Variants in SURF6 observed in about 807,000 individuals in gnomAD.
The protein encoded by SURF6 is surfeit locus protein 6.
SURF6 carries 28 observed loss-of-function variants against 37.5 expected under a neutral mutation model. The ratio of observed to expected loss-of-function variants is 0.75; its 90% CI spans 0.55 to 1.02. SURF6 has a LOEUF of 1.02. Among genes scored for constraint, SURF6 ranks in the 50% least tolerant of loss-of-function variants. SURF6 has a pLI of 0.00. For synonymous variants in SURF6, 248 were observed against 210.9 expected, an observed-to-expected ratio of 1.18 and a Z score of -1.52; for missense variants, 560 against 490.5, an observed-to-expected ratio of 1.14 and a Z score of -1.34.
rs2129925429 is a variant in SURF6 at position 133,333,912 on chromosome 9, G to A, written c.305-106C>T. On this transcript the variant is annotated intron_variant, in intron 2 of 4. Transcript: ENST00000372022. ...CTGTGGCCACTCATGGATCTGCAGGGCAATTCCAGTAAATTCCACTCCACC... is the reference window on the plus strand; with the variant it reads ...CTGTGGCCACTCATGGATCTGCAGGACAATTCCAGTAAATTCCACTCCACC... The A allele has an allele frequency of 1.9e-5, 17 of 902,104 alleles. No individual in the cohort carries two copies. The Admixed American group carries it at 3.4e-4, about 18-fold the overall frequency. 55.9% of individuals were successfully genotyped at this position (902,104 alleles called of 1,614,324 possible).
rs1835847703 is a variant in SURF6, at chr9:133,335,347, T to C, written c.94+692A>G. Reference sequence around the variant, plus strand: ...AAAAAAAAAAAAATTTCAAAAAGGATGAGAAAGACAGACGGAAGACATACT... The same window carrying C: ...AAAAAAAAAAAAATTTCAAAAAGGACGAGAAAGACAGACGGAAGACATACT... On this transcript the variant is annotated intron_variant, in intron 1 of 4. Transcript: ENST00000372022. 5.3e-5 allele frequency among the ~76,000 whole-genome samples: 8 copies of C among 151,080 alleles called. No homozygotes were observed. The South Asian group carries it at 1.7e-3, about 32-fold the overall frequency.
intron 2 of SURF6, 44 bp from the exon 3 acceptor site, chr9:133,333,850 T>C (rs2129925227): frequency 4.7e-6 from 7 of 1,490,974 alleles, no homozygotes; most frequent in Non-Finnish European, 5.5e-6. Context: ...TCTCTTCCCC[T>C]CCCCCTCCCT....
Position 133,331,473 on chromosome 9 carries a change from G to A in SURF6, c.*396C>T. ...GTGAGCTGCGGACTAACGTGGCCCG[G>A]CAGCAGAGGCCACCGTCTTCTGTCC... On this transcript the variant is annotated 3_prime_UTR_variant, in exon 5 of 5. Transcript: ENST00000372022. The A allele has an allele frequency of 5.2e-6, 1 of 191,616 alleles. No individual in the cohort carries two copies. Among genetic ancestry groups the A allele is most frequent in the Non-Finnish European group, 1.1e-5 (1 of 94,850 alleles). The allele number at this position is 191,616 out of a possible 1,614,324, so 11.9% of individuals were successfully genotyped here. A position where few individuals can be genotyped will look rare whatever the true frequency, so the allele number is the denominator to read the frequency against.
chr9:133,332,497 G>T, intron 4 of SURF6, 51 bp downstream of exon 4: 1 of 1,588,248 alleles, frequency 6.3e-7, no homozygotes. Flanking sequence ...AAGGGGCAAC[G>T]CTGAGGCCTG....
At chr9:133,335,941 G>A (rs1294193925) in intron 1 of SURF6, 98 bp downstream of exon 1, 9 of 937,774 alleles carry the variant, frequency 9.6e-6, no homozygotes, top group Non-Finnish European at 9.4e-6. Context: ...AAGTCACTTA[G>A]ATTTTTTTTC....
rs2129913615 is a variant in SURF6 at position 133,331,989 on chromosome 9, C to G, written c.966G>C (p.Gln322His). 6.3e-7 allele frequency: 1 copy of G among 1,598,530 alleles called. No individual in the cohort carries two copies. The highest frequency in any genetic ancestry group is 1.1e-5 in the South Asian group (1 of 90,856). Reference sequence around the variant, plus strand: ...TGCGCAGGTTCTGCCGCCGCCGGTCCTGGCGCTGCTGCATCTTCTCCACCA... The same window carrying G: ...TGCGCAGGTTCTGCCGCCGCCGGTCGTGGCGCTGCTGCATCTTCTCCACCA... ...AGVVEKMQQR[Q>H]DRRRQNLRRK... The change falls in exon 5 of 5, where the codon CAG (glutamine) becomes CAC (histidine). Residue 322 changes from glutamine (Q) to histidine (H), a missense_variant. By Grantham distance (24) the Gln-to-His change is conservative. Transcript: ENST00000372022.
chr9:133,335,182 T>C (rs1294725750), intron 1 of SURF6, among the ~76,000 whole-genome samples: 1 of 152,156 alleles, frequency 6.6e-6, no homozygotes, highest in Non-Finnish European at 1.5e-5. Flanking sequence ...ATGGTCTTGA[T>C]CTTCTGATCT....
chr9:133,334,676 C>CTT, intron 1 of SURF6, 75 bp from the exon 2 acceptor site: 1 of 1,541,250 alleles, frequency 6.5e-7, no homozygotes, highest in Non-Finnish European at 8.8e-7. Flanking sequence ...CTCACCAAGG[C>CTT]TTTGATCCCA....
rs1399684273 is a variant in SURF6, at chr9:133,330,090, T to C, written c.*1779A>G. 1 of 152,238 alleles carries C rather than the reference T, an allele frequency of 6.6e-6. No homozygotes were observed. Among genetic ancestry groups the C allele is most frequent in the African/African-American group, 2.4e-5 (1 of 41,464 alleles). The allele number at this position is 152,238 out of a possible 1,614,324, so 9.4% of individuals were successfully genotyped here. On this transcript the variant is annotated 3_prime_UTR_variant, in exon 5 of 5. Coordinates refer to ENST00000372022, the MANE Select transcript of SURF6 (RefSeq NM_006753.6). Reference sequence around the variant, plus strand: ...TTTTTCTTCCATTTACTTTGAGTTGTTCCAACTTAAGCTGCATGCTTATTT... The same window carrying C: ...TTTTTCTTCCATTTACTTTGAGTTGCTCCAACTTAAGCTGCATGCTTATTT...
In SURF6 at chr9:133,336,168, C is replaced by A. The variant is rs2129934889; in HGVS notation, c.-36G>T. 1.3e-6 allele frequency: 2 copies of A among 1,568,902 alleles called. No individual in the cohort carries two copies. The highest frequency in any genetic ancestry group is 1.7e-6 in the Non-Finnish European group (2 of 1,153,156). ...CGGGCCGTTCACGACTCACACCTTC[C>A]CCGCTGCGCGTGCGACTCTCACCAC... On this transcript the variant is annotated 5_prime_UTR_variant, in exon 1 of 5. Transcript: ENST00000372022.
Position 133,332,582 on chromosome 9 carries a change from T to C in SURF6, c.572A>G (p.Glu191Gly), listed in dbSNP as rs2129919596. The change falls in exon 4 of 5, where the codon GAG becomes GGG. Residue 191 changes from glutamate (E) to glycine (G), a missense_variant. By Grantham distance (98) the Glu-to-Gly change is moderately conservative (BLOSUM62 -2). Coordinates refer to ENST00000372022, the MANE Select transcript of SURF6 (RefSeq NM_006753.6). ...VEATPEGACT[E>G]PREPPGLIFN... Reference sequence around the variant, plus strand: ...GATCAGCCCGGGCGGCTCCCGCGGCTCCGTGCAGGCCCCCTCTGGGGTTGC... The same window carrying C: ...GATCAGCCCGGGCGGCTCCCGCGGCCCCGTGCAGGCCCCCTCTGGGGTTGC... The C allele has an allele frequency of 3.1e-6, 5 of 1,609,570 alleles. 1 individual carries two copies. In the South Asian group the frequency reaches 5.5e-5, roughly 18 times the overall value.
chr9:133,334,697 G>GA, intron 1 of SURF6, 96 bp from the exon 2 acceptor site: 1 of 1,439,746 alleles, frequency 6.9e-7, no homozygotes. Flanking sequence ...GGAAGATGCC[G>GA]AAAGAGGATC....
At chr9:133,333,281 G>A (rs1044219329) in intron 3 of SURF6, among the ~76,000 whole-genome samples, 2 of 152,182 alleles carry the variant, frequency 1.3e-5, no homozygotes, top group Admixed American at 1.3e-4. Context: ...GATGGCGGAG[G>A]AGAGTAGCTG....
intron 2 of SURF6, 49 bp from the exon 3 acceptor site, chr9:133,333,855 C>A: frequency 6.6e-7 from 1 of 1,523,080 alleles, no homozygotes; most frequent in South Asian, 1.2e-5. Context: ...TCCCCTCCCC[C>A]TCCCTCCCTA....
intron 2 of SURF6, 142 bp from the exon 3 acceptor site, chr9:133,333,948 G>A (rs936583974): frequency 7.1e-6 from 5 of 699,980 alleles, no homozygotes; most frequent in African/African-American, 3.5e-5. Context: ...GCTTCAACCT[G>A]GACTGGTTCC....
Position 133,332,241 on chromosome 9 carries a change from C to A in SURF6, c.714G>T (p.Gln238His). The stretch of plus-strand genomic sequence containing the variant: ...GCCGTGCCTGCAGGCGCTCCAGCAG[C>A]TGCCGGTAGTTCCTCCCGGTCAGCG... ...LTPLTGRNYR[Q>H]LLERLQARQS... Residue 238 changes from glutamine (Q) to histidine (H), a missense_variant, in exon 5 of 5, where the codon CAG becomes CAT. Physicochemically the swap from Gln to His is conservative, Grantham distance 24. Transcript: ENST00000372022. 6.2e-7 allele frequency: 1 copy of A among 1,605,416 alleles called. No homozygotes were observed. The highest frequency in any genetic ancestry group is 8.5e-7 in the Non-Finnish European group (1 of 1,179,816).
chr9:133,332,065 T>G lies in SURF6; in HGVS notation c.890A>C (p.Glu297Ala), dbSNP rs2129914625. 4 of 1,606,370 alleles carry G rather than the reference T, an allele frequency of 2.5e-6. No homozygotes were observed. In the East Asian group the frequency reaches 8.9e-5, roughly 36 times the overall value. Residue 297 changes from glutamate to alanine, a missense_variant, in exon 5 of 5, where the codon GAG becomes GCG. Coordinates refer to ENST00000372022, the MANE Select transcript of SURF6 (RefSeq NM_006753.6). The part of the protein sequence containing the change: ...RLLQEALKRK[E>A]KRRAQRQRRW... ...GCGCTGCCGCTGCGCCCTGCGCTTC[T>G]CCTTGCGCTTCAGGGCCTCCTGCAG...
rs1218052872 is a variant in SURF6, at chr9:133,332,418, G to C, written c.607-70C>G. The stretch of plus-strand genomic sequence containing the variant: ...GCCCCAGCCTTGGCCAGTACCCTAA[G>C]GGACCTGCGAGGTCCCCGTCACCAC... On this transcript the variant is annotated intron_variant, in intron 4 of 4. Transcript: ENST00000372022. 3.3e-6 allele frequency: 5 copies of C among 1,530,118 alleles called. No homozygotes were observed. In the East Asian group the frequency reaches 6.8e-5, roughly 21 times the overall value. The allele number at this position is 1,530,118 out of a possible 1,614,324, so 94.8% of individuals were successfully genotyped here.
At chr9:133,334,667 T>C in intron 1 of SURF6, 66 bp from the exon 2 acceptor site, 1 of 1,562,566 alleles carries the variant, frequency 6.4e-7, no homozygotes, top group Non-Finnish European at 8.6e-7. Context: ...CAGGAAAGGC[T>C]CACCAAGGCT....
Sources: gnomAD v4.1 joint callset for allele counts (sites outside exome capture counted in the v4.1 genomes callset) on GRCh38, gnomAD v4.1.1 for gene constraint, MANE v1.5 for transcripts, NCBI Gene and HGNC (gene_info 2026-07-23, HGNC 2026-07-21) for gene names.